Variants in UBXN2A observed in about 807,000 individuals in gnomAD.
UBXN2A encodes the protein UBX domain-containing protein 2A.
Under a neutral mutation model 28.4 loss-of-function variants are expected in UBXN2A, and 28 were observed. The ratio of observed to expected loss-of-function variants is 0.99; its 90% CI spans 0.73 to 1.35. The LOEUF is 1.35. Ranked by LOEUF, UBXN2A falls within the 40% of genes most tolerant of loss-of-function variation. The pLI, the probability that UBXN2A is intolerant of heterozygous loss-of-function variation, is 0.00. For missense variants in UBXN2A, 253 were observed against 297.9 expected, an observed-to-expected ratio of 0.85 and a Z score of 1.11; for synonymous variants, 97 against 103.6, an observed-to-expected ratio of 0.94 and a Z score of 0.39.
chr2:23,973,135 T>C (rs1002221173), intron 3 of UBXN2A, among the ~76,000 whole-genome samples: 2 of 151,752 alleles, frequency 1.3e-5, no homozygotes, highest in African/African-American at 4.8e-5. Context: ...TTCTCCTGCC[T>C]CAGCCTCCCT....
At chr2:23,948,367 C>T (rs1706198242) in intron 1 of UBXN2A, among the ~76,000 whole-genome samples, 1 of 151,612 alleles carries the variant, frequency 6.6e-6, no homozygotes, top group African/African-American at 2.4e-5. Flanking sequence ...ATTCTCCTGC[C>T]TCAGCCTCCC....
chr2:24,004,090 G>C lies in UBXN2A; in HGVS notation c.*4223G>C, dbSNP rs1708761264. 6.6e-6 allele frequency: 1 copy of C among 152,176 alleles called. No individual in the cohort carries two copies. The highest frequency in any genetic ancestry group is 1.5e-5 in the Non-Finnish European group (1 of 68,038). The allele number at this position is 152,176 out of a possible 1,614,324, so 9.4% of individuals were successfully genotyped here. A position where few individuals can be genotyped will look rare whatever the true frequency, so the allele number is the denominator to read the frequency against. The stretch of plus-strand genomic sequence containing the variant: ...CAATAACCTTCATTATTCTAACTGT[G>C]AAACGTTCATTAATGCGAATAATAT... On this transcript the variant is annotated 3_prime_UTR_variant, in exon 7 of 7. Coordinates refer to ENST00000309033, the MANE Select transcript of UBXN2A (RefSeq NM_181713.4).
intron 3 of UBXN2A, among the ~76,000 whole-genome samples, chr2:23,972,692 C>G (rs936218219): frequency 6.6e-6 from 1 of 151,766 alleles, no homozygotes; most frequent in Non-Finnish European, 1.5e-5. Context: ...TGTGGTGGTG[C>G]GTGCCTGTAA....
chr2:23,992,545 T>C (rs937300514), intron 6 of UBXN2A, among the ~76,000 whole-genome samples: 1 of 152,232 alleles, frequency 6.6e-6, no homozygotes, highest in African/African-American at 2.4e-5. Context: ...ATGACCTACT[T>C]CAGAGGAAGG....
chr2:23,944,134 A>G, intron 1 of UBXN2A: 1 of 890,096 alleles, frequency 1.1e-6, no homozygotes. Flanking sequence ...AGGAAAGTTT[A>G]AGTCTTACTT....
chr2:23,938,119 A>G (rs751215591), upstream of UBXN2A, among the ~76,000 whole-genome samples: 9 of 152,216 alleles, frequency 5.9e-5, no homozygotes, highest in African/African-American at 2.4e-5. Context: ...TTCATGCTTA[A>G]GGATTTGAAG....
chr2:23,932,651 C>G (rs1210211061), intron 1 of UBXN2A, among the ~76,000 whole-genome samples: 1 of 152,144 alleles, frequency 6.6e-6, no homozygotes, highest in Non-Finnish European at 1.5e-5. Context: ...TGAAGACCCT[C>G]AGGACAATAA....
chr2:23,971,350 G>A lies in UBXN2A; in HGVS notation c.116G>A (p.Ser39Asn), dbSNP rs370970033. 1.8e-5 allele frequency: 28 copies of A among 1,577,886 alleles called. No homozygotes were observed. Among genetic ancestry groups the A allele is most frequent in the Middle Eastern group, 1.7e-4 (1 of 5,926 alleles). ...QQSNCEYFVDSLFEEAQKVSS... is the reference protein window; with the variant it reads ...QQSNCEYFVDNLFEEAQKVSS... ...TCAAATTGTGAATATTTTGTTGATAGCCTTTTTGAGGAAGCTCAGAAGGTT... is the reference window on the plus strand; with the variant it reads ...TCAAATTGTGAATATTTTGTTGATAACCTTTTTGAGGAAGCTCAGAAGGTT... Residue 39 changes from serine (S) to asparagine (N), a missense_variant, in exon 3 of 7, where the codon AGC (serine) becomes AAC (asparagine). Ser to Asn is a conservative substitution (Grantham distance 46, BLOSUM62 1). Coordinates refer to ENST00000309033, the MANE Select transcript of UBXN2A (RefSeq NM_181713.4).
intron 2 of UBXN2A, among the ~76,000 whole-genome samples, chr2:23,961,125 TG>T (rs1357497257): frequency 6.6e-6 from 1 of 151,340 alleles, no homozygotes; most frequent in African/African-American, 2.4e-5. Flanking sequence ...GACGGAGTTT[TG>T]CTCTTGTCAC....
At chr2:23,940,441 C>G (rs546378307), upstream of UBXN2A, 1 of 151,028 alleles carries the variant, frequency 6.6e-6, no homozygotes, top group South Asian at 2.1e-4. Flanking sequence ...CTCGGGTCTG[C>G]GCGGAGCCGG....
At chr2:23,930,370 T>C (rs1360624489) in intron 1 of UBXN2A, among the ~76,000 whole-genome samples, 2 of 152,120 alleles carry the variant, frequency 1.3e-5, no homozygotes, top group East Asian at 3.9e-4. Context: ...CGTTTAAAAA[T>C]CCTCAAAGAA....
At chr2:23,980,982 A>AT (rs1486329517) in intron 4 of UBXN2A, among the ~76,000 whole-genome samples, 1 of 151,784 alleles carries the variant, frequency 6.6e-6, no homozygotes, top group Admixed American at 6.6e-5. Flanking sequence ...AGAATTCTTC[A>AT]TTTTTTCTGA....
At chr2:23,972,732 G>T (rs1216820838) in intron 3 of UBXN2A, among the ~76,000 whole-genome samples, 1 of 152,076 alleles carries the variant, frequency 6.6e-6, no homozygotes, top group Admixed American at 6.6e-5. Context: ...CGAGGCAGGA[G>T]AATCGCGTGA....
intron 6 of UBXN2A, 26 bp from the exon 7 acceptor site, chr2:23,999,646 T>C: frequency 6.3e-7 from 1 of 1,584,514 alleles, no homozygotes; most frequent in South Asian, 1.2e-5. Context: ...CCTAAAATTA[T>C]ATTAATAGTT....
rs935312169 is a variant in UBXN2A at position 24,002,504 on chromosome 2, G to A, written c.*2637G>A. 1 of 152,166 alleles carries A rather than the reference G, an allele frequency of 6.6e-6. No homozygotes were observed. Among genetic ancestry groups the A allele is most frequent in the African/African-American group, 2.4e-5 (1 of 41,426 alleles). The allele number at this position is 152,166 out of a possible 1,614,324, so 9.4% of individuals were successfully genotyped here. ...TGGCTCACTGCAACTTGTCCCCCCG[G>A]GTTCAAGCGATTCTTCTGCCACAGC... On this transcript the variant is annotated 3_prime_UTR_variant, in exon 7 of 7. Coordinates refer to ENST00000309033, the MANE Select transcript of UBXN2A (RefSeq NM_181713.4).
At chr2:23,935,462 CGA>C (rs1449472296), upstream of UBXN2A, among the ~76,000 whole-genome samples, 3 of 151,906 alleles carry the variant, frequency 2.0e-5, no homozygotes, top group African/African-American at 7.3e-5. Flanking sequence ...AAAAAATATA[CGA>C]ATAGCCAATA....
chr2:23,993,935 C>T (rs149997259), intron 6 of UBXN2A, among the ~76,000 whole-genome samples: 2 of 152,086 alleles, frequency 1.3e-5, no homozygotes, highest in South Asian at 2.1e-4. Flanking sequence ...TGGTCCGCCT[C>T]GGCTTCCCAA....
intron 5 of UBXN2A, among the ~76,000 whole-genome samples, chr2:23,983,241 C>T (rs1217182181): frequency 1.3e-5 from 2 of 152,278 alleles, no homozygotes; most frequent in Middle Eastern, 6.8e-3. Context: ...CATAGTGGCT[C>T]ATGCCTGTAA....
At chr2:23,971,251 G>C in intron 2 of UBXN2A, 25 bp from the exon 3 acceptor site, 1 of 1,514,428 alleles carries the variant, frequency 6.6e-7, no homozygotes, top group East Asian at 2.3e-5. Flanking sequence ...AGTTAATAGT[G>C]CCTGTTTTTC....
Sources: gnomAD v4.1 joint callset for allele counts (sites outside exome capture counted in the v4.1 genomes callset) on GRCh38, gnomAD v4.1.1 for gene constraint, MANE v1.5 for transcripts, NCBI Gene and HGNC (gene_info 2026-07-23, HGNC 2026-07-21) for gene names.